CHRNA7: variants seen among roughly 807,000 people sequenced by gnomAD.
CHRNA7 encodes the protein cholinergic receptor nicotinic alpha 7 subunit, also known as neuronal acetylcholine receptor subunit alpha-7.
In CHRNA7, 17 loss-of-function variants were observed where a neutral mutation model predicts 48.0. The ratio of observed to expected loss-of-function variants is 0.35; its 90% CI spans 0.24 to 0.53. The LOEUF (loss-of-function observed/expected upper bound fraction) is 0.53, where lower values mean the gene tolerates loss of function less well. Ranked by LOEUF, CHRNA7 falls within the 20% of genes least tolerant of loss-of-function variation. The probability of loss-of-function intolerance (pLI) is 0.92; values close to 1 mark genes in which losing one functional copy is unlikely to be tolerated. For synonymous variants in CHRNA7, 75 were observed against 242.3 expected (o/e 0.31, Z 6.41); for missense variants, 155 against 577.7 (o/e 0.27, Z 7.50).
intron 2 of CHRNA7, among the ~76,000 whole-genome samples, chr15:32,077,164 T>C (rs2050148264): frequency 6.6e-6 from 1 of 152,078 alleles, no homozygotes; most frequent in Non-Finnish European, 1.5e-5. Context: ...AATAATCCAT[T>C]GTCCAGATGT....
intron 2 of CHRNA7, among the ~76,000 whole-genome samples, chr15:32,096,949 GCCT>G (rs1389741791): frequency 6.6e-6 from 1 of 152,164 alleles, no homozygotes; most frequent in East Asian, 1.9e-4. Flanking sequence ...TGGGGACCCT[GCCT>G]CCTCCTGTCT....
At chr15:32,045,558 A>G (rs1009162341) in intron 2 of CHRNA7, among the ~76,000 whole-genome samples, 3 of 150,586 alleles carry the variant, frequency 2.0e-5, no homozygotes, top group Non-Finnish European at 4.4e-5. Flanking sequence ...TTTTTTTGAG[A>G]CAGAGTCTCA....
intron 3 of CHRNA7, 81 bp downstream of exon 3, chr15:32,101,428 T>A: frequency 2.1e-6 from 3 of 1,451,038 alleles, no homozygotes; most frequent in Non-Finnish European, 2.8e-6. Flanking sequence ...CTGAGATGCT[T>A]GCTTCTGAGA....
At chr15:32,065,759 A>G (rs1325179375) in intron 2 of CHRNA7, among the ~76,000 whole-genome samples, 1 of 152,106 alleles carries the variant, frequency 6.6e-6, no homozygotes, top group Non-Finnish European at 1.5e-5. Flanking sequence ...AACACAGCCC[A>G]CTGCAAACAC....
At chr15:32,073,574 T>G (rs2050090712) in intron 2 of CHRNA7, among the ~76,000 whole-genome samples, 1 of 152,114 alleles carries the variant, frequency 6.6e-6, no homozygotes, top group African/African-American at 2.4e-5. Flanking sequence ...GTTTGGGTAT[T>G]TGTTCCTTCT....
At chr15:32,082,632 C>T (rs1402442995) in intron 2 of CHRNA7, among the ~76,000 whole-genome samples, 1 of 152,008 alleles carries the variant, frequency 6.6e-6, no homozygotes. Context: ...GTCTTCTTTC[C>T]ACTGTATATC....
intron 2 of CHRNA7, among the ~76,000 whole-genome samples, chr15:32,088,113 A>C (rs982773165): frequency 4.6e-5 from 7 of 152,092 alleles, no homozygotes; most frequent in Non-Finnish European, 8.8e-5. Flanking sequence ...AACCCCCACC[A>C]CTGGCAACCA....
At chr15:32,050,634 C>G (rs74838524) in intron 2 of CHRNA7, among the ~76,000 whole-genome samples, 1 of 152,206 alleles carries the variant, frequency 6.6e-6, no homozygotes, top group Non-Finnish European at 1.5e-5. Flanking sequence ...CTGAAGCCTT[C>G]TTCTCTCAAC....
At chr15:32,130,793 A>G (rs1311927259) in intron 4 of CHRNA7, among the ~76,000 whole-genome samples, 1 of 151,274 alleles carries the variant, frequency 6.6e-6, no homozygotes, top group African/African-American at 2.4e-5. Context: ...TCCTTCTTTT[A>G]TTGTTTTTTT....
intron 4 of CHRNA7, among the ~76,000 whole-genome samples, chr15:32,140,625 A>G (rs1023423756): frequency 2.6e-5 from 4 of 152,138 alleles, no homozygotes; most frequent in African/African-American, 9.7e-5. Flanking sequence ...AACTGGTGTG[A>G]GAGAGATGGT....
chr15:32,141,243 G>A (rs1010870977), intron 4 of CHRNA7, among the ~76,000 whole-genome samples: 67 of 152,106 alleles, frequency 4.4e-4, no homozygotes, highest in Non-Finnish European at 8.8e-4. Flanking sequence ...GATGTGTGGT[G>A]TTATTTCTGA....
intron 2 of CHRNA7, among the ~76,000 whole-genome samples, chr15:32,057,915 A>G (rs935787489): frequency 6.6e-6 from 1 of 152,214 alleles, no homozygotes; most frequent in Non-Finnish European, 1.5e-5. Context: ...AGTCAGGTAA[A>G]TTTCAGACAG....
rs1000726134 is a variant in CHRNA7 at position 32,149,120 on chromosome 15, A to G, written c.351-4787A>G. 5.3e-5 allele frequency among the ~76,000 whole-genome samples: 8 copies of G among 152,244 alleles called. No homozygotes were observed. Among genetic ancestry groups the G allele is most frequent in the African/African-American group, 1.7e-4 (7 of 41,470 alleles). ...ATAAAGGCAGCTCCTGCAAGGACGGAGAGGCCACAGGCCGGCATCTTCACA... is the reference window on the plus strand; with the variant it reads ...ATAAAGGCAGCTCCTGCAAGGACGGGGAGGCCACAGGCCGGCATCTTCACA... On this transcript the variant is annotated intron_variant, in intron 4 of 9. Transcript: ENST00000306901. The surrounding 1 kb of genome is among the most constrained non-coding windows in gnomAD (Gnocchi z 4.6).
chr15:32,074,127 G>A (rs1366948631), intron 2 of CHRNA7, among the ~76,000 whole-genome samples: 1 of 151,084 alleles, frequency 6.6e-6, no homozygotes, highest in African/African-American at 2.4e-5. Context: ...CTCATTGCTG[G>A]TGTATATAAA....
At chr15:32,143,113 G>A (rs146882279) in intron 4 of CHRNA7, among the ~76,000 whole-genome samples, 82 of 152,270 alleles carry the variant, frequency 5.4e-4, no homozygotes, top group Admixed American at 9.2e-4. Context: ...ATTCTGGTAC[G>A]TTGTGTGTCT....
At chr15:32,145,636 C>T (rs2051471882) in intron 4 of CHRNA7, among the ~76,000 whole-genome samples, 1 of 152,186 alleles carries the variant, frequency 6.6e-6, no homozygotes, top group South Asian at 2.1e-4. Context: ...GGCGGACACC[C>T]CTCCCCACCA....
At chr15:32,132,182 G>A (rs1259594946) in intron 4 of CHRNA7, among the ~76,000 whole-genome samples, 2 of 152,116 alleles carry the variant, frequency 1.3e-5, no homozygotes, top group Non-Finnish European at 2.9e-5. Context: ...GGCTAGACAC[G>A]GTCCAGCTGT....
intron 4 of CHRNA7, among the ~76,000 whole-genome samples, chr15:32,123,964 CAA>C (rs57791060): frequency 4.2e-5 from 2 of 47,164 alleles, no homozygotes; most frequent in African/African-American, 1.4e-4. Flanking sequence ...AAAATCTGGC[CAA>C]AAAAAAAAAA....
chr15:32,153,473 C>T (rs1210004593), intron 4 of CHRNA7: 2 of 178,974 alleles, frequency 1.1e-5, no homozygotes, highest in African/African-American at 2.5e-5. Context: ...AGTGTGGGTC[C>T]GCTTCAAGAG....
Sources: allele counts gnomAD v4.1 joint callset (sites outside exome capture counted in the v4.1 genomes callset), GRCh38; gene constraint gnomAD v4.1.1; non-coding constraint Gnocchi (gnomAD v3.1); transcripts MANE v1.5; gene names NCBI Gene and HGNC (gene_info 2026-07-23, HGNC 2026-07-21).